OCA2: variants seen among roughly 807,000 people sequenced by gnomAD.
The protein encoded by OCA2 is P protein.
In OCA2, 77 loss-of-function variants were observed where a neutral mutation model predicts 100.2. That is an observed-to-expected ratio of 0.77 (90% CI 0.64 to 0.93). The LOEUF is 0.93. Among genes scored for constraint, OCA2 ranks in the 40% least tolerant of loss-of-function variants. OCA2 has a pLI of 0.00. For synonymous variants in OCA2, 432 were observed against 439.2 expected (o/e 0.98, Z 0.21); for missense variants, 1,062 against 1,089.1 (o/e 0.98, Z 0.35).
At chr15:27,780,709 G>A (rs1026250470) in intron 23 of OCA2, among the ~76,000 whole-genome samples, 3 of 152,208 alleles carry the variant, frequency 2.0e-5, no homozygotes, top group Non-Finnish European at 4.4e-5. Flanking sequence ...TTTTCAGAAT[G>A]AGTTGGACCT....
At position 27,838,854 on chromosome 15, in the gene OCA2, C is replaced by G. The variant is rs114631313; in HGVS notation, c.2432+6105G>C. Reference sequence around the variant, plus strand: ...TTAAACCTACGAAAGCTCAGGGGTACTGTACCCAGGAGCTGATCTTGGGCT... The same window carrying G: ...TTAAACCTACGAAAGCTCAGGGGTAGTGTACCCAGGAGCTGATCTTGGGCT... On this transcript the variant is annotated intron_variant, in intron 23 of 23. Transcript: ENST00000354638. 2.9e-3 allele frequency among the ~76,000 whole-genome samples: 443 copies of G among 152,256 alleles called. 3 individuals carry two copies. The highest frequency in any genetic ancestry group is 0.01 in the African/African-American group (418 of 41,540).
In OCA2 at chr15:27,845,064, A is replaced by C; in HGVS notation, c.2339-12T>G. ...CAGTGTCCCGTTACCTAAAGTCAAA[A>C]TTTAAAAACAAAATCCCAGTTCATC... On this transcript the variant is annotated splice_polypyrimidine_tract_variant and intron_variant, in intron 22 of 23. Transcript: ENST00000354638. 2 of 1,606,300 alleles carry C rather than the reference A, an allele frequency of 1.2e-6. No individual in the cohort carries two copies. The highest frequency in any genetic ancestry group is 8.5e-7 in the Non-Finnish European group (1 of 1,173,030).
intron 1 of OCA2, among the ~76,000 whole-genome samples, chr15:28,084,261 TTG>T (rs1280359258): frequency 2.0e-5 from 3 of 152,196 alleles, no homozygotes; most frequent in African/African-American, 7.2e-5. Flanking sequence ...GAAATTATGT[TTG>T]TGGCATAAGT....
intron 6 of OCA2, among the ~76,000 whole-genome samples, chr15:28,021,881 G>A (rs2122005): frequency 0.22 from 33,974 of 152,028 alleles, 4,349 homozygotes; most frequent in South Asian, 0.35. Context: ...CTGGCAGGGC[G>A]CCCGGTAATT....
intron 23 of OCA2, among the ~76,000 whole-genome samples, chr15:27,812,650 C>T (rs1415377282): frequency 1.3e-5 from 2 of 152,136 alleles, no homozygotes; most frequent in South Asian, 2.1e-4. Flanking sequence ...ATATAAAACA[C>T]TTAAGTTGCT....
At chr15:27,893,122 A>G (rs758434011) in intron 19 of OCA2, among the ~76,000 whole-genome samples, 1 of 152,194 alleles carries the variant, frequency 6.6e-6, no homozygotes, top group Non-Finnish European at 1.5e-5. Flanking sequence ...GAAGTCAGGG[A>G]CCCCAAATGG....
Position 27,826,977 on chromosome 15 carries a change from G to A in OCA2, c.2432+17982C>T, listed in dbSNP as rs574224911. Among the ~76,000 whole-genome samples the A allele has an allele frequency of 6.6e-5, 10 of 152,252 alleles. No homozygotes were observed. In the South Asian group the frequency reaches 1.2e-3, roughly 19 times the overall value. On this transcript the variant is annotated intron_variant, in intron 23 of 23. Coordinates refer to ENST00000354638, the MANE Select transcript of OCA2 (RefSeq NM_000275.3). ...CTCACTGGGCAGCTTCCTGCCCTCC[G>A]CATGGTCTCCCGGCAAGATGCCCTT...
chr15:27,870,142 T>C (rs969565871), intron 21 of OCA2, among the ~76,000 whole-genome samples: 1 of 152,210 alleles, frequency 6.6e-6, no homozygotes, highest in Non-Finnish European at 1.5e-5. Flanking sequence ...CAGCCAGGCC[T>C]GCTGCTCCAG....
chr15:28,074,769 C>T (rs886335692), intron 2 of OCA2, among the ~76,000 whole-genome samples: 4 of 151,518 alleles, frequency 2.6e-5, no homozygotes, highest in South Asian at 2.1e-4. Flanking sequence ...ATCGCTTGAA[C>T]CCAGAAGGCA....
chr15:28,061,830 G>A (rs77902667), intron 2 of OCA2, among the ~76,000 whole-genome samples: 2,068 of 152,236 alleles, frequency 0.014, 39 homozygotes, highest in African/African-American at 0.047. Flanking sequence ...ACAATTTATC[G>A]TTTTTTATAT....
chr15:27,916,110 A>T (rs1271653909), intron 19 of OCA2, among the ~76,000 whole-genome samples: 1 of 152,246 alleles, frequency 6.6e-6, no homozygotes, highest in Non-Finnish European at 1.5e-5. Flanking sequence ...CAAATACTGC[A>T]TGTTTTCATT....
chr15:28,020,502 C>A (rs1452474932), intron 6 of OCA2, among the ~76,000 whole-genome samples: 1 of 152,130 alleles, frequency 6.6e-6, no homozygotes, highest in African/African-American at 2.4e-5. Flanking sequence ...TCCCCTTCCC[C>A]CTGCGGGAAA....
At chr15:27,730,775 A>G in the OCA2 span, among the ~76,000 whole-genome samples, 4 of 80,010 alleles carry the variant, frequency 5.0e-5, no homozygotes, top group African/African-American at 1.5e-4. Context: ...ATATATATAT[A>G]TATGTTTTTT....
intron 23 of OCA2, among the ~76,000 whole-genome samples, chr15:27,832,383 C>T (rs1195439672): frequency 6.6e-6 from 1 of 152,246 alleles, no homozygotes; most frequent in Non-Finnish European, 1.5e-5. Flanking sequence ...AGCTTTCCTG[C>T]TTAAAGCCCT....
In OCA2 at chr15:27,770,779, A is replaced by ATTCTTCCTCCCTCCCTCTTT; in HGVS notation, c.2433-15308_2433-15307insAAAGAGGGAGGGAGGAAGAA. ...CTTCCTCTCTCCCTCCCTCCCTTCCATCCTTCCTTCCTCCCTCCCTCTTTT... is the reference window on the plus strand; with the variant it reads ...CTTCCTCTCTCCCTCCCTCCCTTCCATTCTTCCTCCCTCCCTCTTTTCCTTCCTTCCTCCCTCCCTCTTTT... On this transcript the variant is annotated intron_variant, in intron 23 of 23. Coordinates refer to ENST00000354638, the MANE Select transcript of OCA2 (RefSeq NM_000275.3). Among the ~76,000 whole-genome samples the ATTCTTCCTCCCTCCCTCTTT allele has an allele frequency of 4.9e-5, 3 of 61,760 alleles. No homozygotes were observed. In the East Asian group the frequency reaches 8.5e-4, roughly 17 times the overall value. The allele number at this position is 61,760 out of a possible 152,430, so 40.5% of individuals were successfully genotyped here.
At chr15:27,738,425 C>T in the OCA2 span, among the ~76,000 whole-genome samples, 6 of 152,308 alleles carry the variant, frequency 3.9e-5, no homozygotes, top group African/African-American at 7.2e-5. Context: ...TCACACGATG[C>T]GCTTCCACTT....
At chr15:28,020,506 C>T (rs949280176) in intron 6 of OCA2, among the ~76,000 whole-genome samples, 2 of 152,084 alleles carry the variant, frequency 1.3e-5, no homozygotes, top group Non-Finnish European at 2.9e-5. Flanking sequence ...CTTCCCCCTG[C>T]GGGAAAGTCC....
At chr15:27,885,684 G>A (rs990426594) in intron 19 of OCA2, among the ~76,000 whole-genome samples, 1 of 152,078 alleles carries the variant, frequency 6.6e-6, no homozygotes, top group Non-Finnish European at 1.5e-5. Flanking sequence ...ATAAGTACAC[G>A]TATTTCAAAA....
At chr15:27,749,496 T>C in the OCA2 span, among the ~76,000 whole-genome samples, 1 of 152,036 alleles carries the variant, frequency 6.6e-6, no homozygotes, top group East Asian at 1.9e-4. Flanking sequence ...GCCACCAGAA[T>C]AAGGCAAAAA....
Sources: gnomAD v4.1 joint callset for allele counts (sites outside exome capture counted in the v4.1 genomes callset) on GRCh38, gnomAD v4.1.1 for gene constraint, MANE v1.5 for transcripts, NCBI Gene and HGNC (gene_info 2026-07-23, HGNC 2026-07-21) for gene names.